XIRP2: variants seen among roughly 807,000 people sequenced by gnomAD.
XIRP2 encodes the protein xin actin binding repeat containing 2.
XIRP2 carries 236 observed loss-of-function variants against 277.0 expected under a neutral mutation model. The observed-to-expected ratio is 0.85, with a 90% CI of 0.77 to 0.95. The LOEUF (loss-of-function observed/expected upper bound fraction) is 0.95, where lower values mean the gene tolerates loss of function less well. XIRP2 is among the 40% of genes least tolerant of loss of function. The pLI is 0.00. For synonymous variants in XIRP2, 1,490 were observed against 1,416.5 expected (o/e 1.05, Z -1.17); for missense variants, 4,640 against 4,157.5 (o/e 1.12, Z -3.19).
chr2:167,011,375 T>G (rs1173220880), intron 2 of XIRP2, among the ~76,000 whole-genome samples: 2 of 151,342 alleles, frequency 1.3e-5, no homozygotes, highest in Non-Finnish European at 2.9e-5. Flanking sequence ...GGATTACATT[T>G]ATTGATTTGT....
chr2:167,058,655 A>G (rs1166490824), intron 2 of XIRP2, among the ~76,000 whole-genome samples: 1 of 152,142 alleles, frequency 6.6e-6, no homozygotes, highest in Non-Finnish European at 1.5e-5. Flanking sequence ...ACTTTATAGC[A>G]TGGCTGCTTG....
In XIRP2 at chr2:166,952,790, G is replaced by A. The variant is rs548797547; in HGVS notation, c.408+48900G>A. Among the ~76,000 whole-genome samples, 24 of 151,730 alleles carry A rather than the reference G, an allele frequency of 1.6e-4. No individual in the cohort carries two copies. The South Asian group carries it at 4.4e-3, about 28-fold the overall frequency. On this transcript the variant is annotated intron_variant, in intron 2 of 10. Coordinates refer to ENST00000409195, the MANE Select transcript of XIRP2 (RefSeq NM_152381.6). ...AATAAAGCTTGAATTTTACACAATA[G>A]CAGTGTTTCAACAAATGAAATAAAG...
At chr2:166,904,570 G>A (rs1024947176) in intron 2 of XIRP2, among the ~76,000 whole-genome samples, 1 of 152,052 alleles carries the variant, frequency 6.6e-6, no homozygotes, top group African/African-American at 2.4e-5. Context: ...GCCAAATTTA[G>A]GAAACAGGAT....
chr2:166,897,727 T>C (rs1684279631), intron 1 of XIRP2, among the ~76,000 whole-genome samples: 1 of 152,022 alleles, frequency 6.6e-6, no homozygotes, highest in Non-Finnish European at 1.5e-5. Flanking sequence ...GGAAGCTTTT[T>C]GGTTTAGCCA....
rs1241162265 is a variant in XIRP2 at position 167,018,641 on chromosome 2, C to T, written c.408+114751C>T. ...ATAAGTACCCCCAGGGCATTTTACT[C>T]ATTTTTGGCATCAGGCTGTGGTTGC... On this transcript the variant is annotated intron_variant, in intron 2 of 10. Coordinates refer to ENST00000409195, the MANE Select transcript of XIRP2 (RefSeq NM_152381.6). Among the ~76,000 whole-genome samples the T allele has an allele frequency of 3.3e-5, 5 of 152,016 alleles. No homozygotes were observed. The South Asian group carries it at 1.0e-3, about 31-fold the overall frequency.
chr2:167,217,363 C>T (rs1694284158), intron 4 of XIRP2, among the ~76,000 whole-genome samples: 1 of 151,950 alleles, frequency 6.6e-6, no homozygotes, highest in African/African-American at 2.4e-5. Context: ...AATGTTAAAG[C>T]CCCCTGATTC....
rs534431117 is a variant in XIRP2, at chr2:167,161,553, C to G, written c.562+25491C>G. Reference sequence around the variant, plus strand: ...ACCCTCTGAAGCCATGGCCCAGGCTCTATGTTGGCCCCTTCCAGCCACAGC... The same window carrying G: ...ACCCTCTGAAGCCATGGCCCAGGCTGTATGTTGGCCCCTTCCAGCCACAGC... On this transcript the variant is annotated intron_variant, in intron 3 of 10. Transcript: ENST00000409195. Among the ~76,000 whole-genome samples the G allele has an allele frequency of 1.8e-3, 275 of 152,320 alleles. 2 individuals are homozygous for G. Among genetic ancestry groups the G allele is most frequent in the African/African-American group, 6.5e-3 (270 of 41,580 alleles).
At chr2:166,903,942 G>C (rs1574064866) in intron 2 of XIRP2, 52 bp downstream of exon 2, 1 of 858,390 alleles carries the variant, frequency 1.2e-6, no homozygotes, top group Admixed American at 4.2e-5. Flanking sequence ...TCCTTGCCTA[G>C]CCTACCATTT....
At chr2:166,957,355 G>T (rs1306674583) in intron 2 of XIRP2, among the ~76,000 whole-genome samples, 2 of 151,602 alleles carry the variant, frequency 1.3e-5, no homozygotes, top group Admixed American at 6.6e-5. Flanking sequence ...TAGCATTTAA[G>T]ATTTAAAATA....
chr2:166,910,890 C>T (rs888240929), intron 2 of XIRP2, among the ~76,000 whole-genome samples: 13 of 152,206 alleles, frequency 8.5e-5, no homozygotes, highest in African/African-American at 2.4e-4. Context: ...CATTCAGGAG[C>T]GGGTTGTTCA....
At chr2:166,999,069 C>T (rs1687297650) in intron 2 of XIRP2, among the ~76,000 whole-genome samples, 1 of 151,974 alleles carries the variant, frequency 6.6e-6, no homozygotes, top group African/African-American at 2.4e-5. Context: ...AAATAACCAT[C>T]TATTCTGTAT....
chr2:167,095,327 C>A (rs755537940), intron 2 of XIRP2, among the ~76,000 whole-genome samples: 19 of 152,160 alleles, frequency 1.2e-4, no homozygotes, highest in Non-Finnish European at 2.2e-4. Context: ...CCTGATTGCC[C>A]TGGCCATAAC....
At chr2:167,106,664 T>C (rs1370385284) in intron 2 of XIRP2, among the ~76,000 whole-genome samples, 6 of 151,832 alleles carry the variant, frequency 4.0e-5, no homozygotes, top group South Asian at 2.1e-4. Flanking sequence ...GTTTTAGCTA[T>C]GTACTTTCTT....
At chr2:166,978,121 G>T (rs1686764378) in intron 2 of XIRP2, among the ~76,000 whole-genome samples, 1 of 151,888 alleles carries the variant, frequency 6.6e-6, no homozygotes, top group South Asian at 2.1e-4. Context: ...CAATATTATT[G>T]TTCAAAAATA....
In XIRP2 at chr2:167,249,705, T is replaced by G. The variant is rs1368827767; in HGVS notation, c.8313T>G (p.Tyr2771Ter). Residue 2771 changes from tyrosine to a stop codon, truncating the protein, a stop_gained, in exon 9 of 11, where the codon TAT becomes TAG. Coordinates refer to ENST00000409195, the MANE Select transcript of XIRP2 (RefSeq NM_152381.6). LOFTEE classifies it high-confidence loss of function. ...SHKQSLAERH[Y>*]QLPKKEKRVT... ...AGCAATCTCTGGCTGAAAGACATTA[T>G]CAGTTACCTAAGAAGGAGAAAAGAG... is the stretch of plus-strand genomic sequence containing the variant. The G allele has an allele frequency of 6.2e-7, 1 of 1,613,338 alleles. No homozygotes were observed. Among genetic ancestry groups the G allele is most frequent in the Non-Finnish European group, 8.5e-7 (1 of 1,179,768 alleles).
rs1688091390 is a variant in XIRP2 at position 167,024,483 on chromosome 2, A to G, written c.409-111426A>G. On this transcript the variant is annotated intron_variant, in intron 2 of 10. Transcript: ENST00000409195. ...CTAACTGCCCTGGCCAGAACTTCCC[A>G]CACTATGTTGAATAGGAGTGGTGAG... Among the ~76,000 whole-genome samples the G allele has an allele frequency of 2.6e-5, 4 of 152,160 alleles. 1 individual carries two copies. The South Asian group carries it at 8.3e-4, about 32-fold the overall frequency.
At chr2:167,024,979 A>C (rs1433869943) in intron 2 of XIRP2, among the ~76,000 whole-genome samples, 2 of 152,178 alleles carry the variant, frequency 1.3e-5, no homozygotes, top group African/African-American at 4.8e-5. Flanking sequence ...AACATGAGTT[A>C]GGGAGGATTC....
intron 3 of XIRP2, among the ~76,000 whole-genome samples, chr2:167,144,273 T>C (rs976550771): frequency 4.6e-5 from 7 of 152,118 alleles, no homozygotes; most frequent in Non-Finnish European, 8.8e-5. Flanking sequence ...GCCATAAATA[T>C]GGAGATAGGG....
chr2:167,122,352 A>G (rs1250768266), intron 2 of XIRP2, among the ~76,000 whole-genome samples: 1 of 152,176 alleles, frequency 6.6e-6, no homozygotes, highest in African/African-American at 2.4e-5. Context: ...GCACAGTACA[A>G]GATTTTTCAC....
Sources: gnomAD v4.1 joint callset for allele counts (sites outside exome capture counted in the v4.1 genomes callset) on GRCh38, gnomAD v4.1.1 for gene constraint, MANE v1.5 for transcripts, NCBI Gene and HGNC (gene_info 2026-07-23, HGNC 2026-07-21) for gene names.